Variants in ZNF503 observed in about 807,000 individuals in gnomAD.
ZNF503 encodes NocA-like zinc finger 2.
Under a neutral mutation model 34.4 loss-of-function variants are expected in ZNF503, and 15 were observed. The ratio of observed to expected loss-of-function variants is 0.44; its 90% CI spans 0.29 to 0.67. The LOEUF (loss-of-function observed/expected upper bound fraction) is 0.67. ZNF503 is among the 30% of genes least tolerant of loss of function. The pLI is 0.13. For missense variants in ZNF503, 1,007 were observed against 926.8 expected (o/e 1.09, Z -1.12); for synonymous variants, 580 against 456.8 (o/e 1.27, Z -3.44).
Position 75,397,941 on chromosome 10 carries a change from G to A in ZNF503, c.*808C>T. On this transcript the variant is annotated 3_prime_UTR_variant, in exon 2 of 2. Transcript: ENST00000372524. The stretch of plus-strand genomic sequence containing the variant: ...AACCTTGTCCCCTTCTCAGCGGGTG[G>A]ACTTAAAAATTAAAAATAGTTAAGT... The A allele has an allele frequency of 6.6e-6, 1 of 152,598 alleles. No individual in the cohort carries two copies. 9.5% of individuals were successfully genotyped at this position (152,598 alleles called of 1,614,324 possible).
the ZNF503 span, chr10:75,283,804 G>A: frequency 2.6e-5 from 4 of 152,236 alleles, no homozygotes; most frequent in African/African-American, 9.6e-5. Flanking sequence ...GCTCACTGAC[G>A]ACTCAGGGCA....
the ZNF503 span, among the ~76,000 whole-genome samples, chr10:75,321,911 G>A: frequency 2.0e-5 from 3 of 152,180 alleles, no homozygotes; most frequent in Non-Finnish European, 4.4e-5. Flanking sequence ...GGAGGCTACA[G>A]AAATTTGTAT....
At chr10:75,388,554 C>T in the ZNF503 span, among the ~76,000 whole-genome samples, 457 of 152,314 alleles carry the variant, frequency 3.0e-3, 3 homozygotes, top group Non-Finnish European at 5.0e-3. Flanking sequence ...ATAATAGACC[C>T]TGGAGCCTCA....
chr10:75,292,444 T>C, the ZNF503 span, among the ~76,000 whole-genome samples: 1 of 152,336 alleles, frequency 6.6e-6, no homozygotes, highest in East Asian at 1.9e-4. Context: ...ATGGGATTTG[T>C]CGTCATTTGC....
rs1044034528 is a variant in ZNF503, at chr10:75,398,354, C to T, written c.*395G>A. ...TCAAGTTTTAAAATTTTTCCCACCT[C>T]CTTTTTACCTACAGAGCTCAAACTA... On this transcript the variant is annotated 3_prime_UTR_variant, in exon 2 of 2. Transcript: ENST00000372524. The T allele has an allele frequency of 6.0e-6, 1 of 166,674 alleles. No individual in the cohort carries two copies. Among genetic ancestry groups the T allele is most frequent in the African/African-American group, 2.4e-5 (1 of 42,116 alleles). The allele number at this position is 166,674 out of a possible 1,614,324, so 10.3% of individuals were successfully genotyped here.
At chr10:75,328,323 T>G in the ZNF503 span, among the ~76,000 whole-genome samples, 1 of 152,240 alleles carries the variant, frequency 6.6e-6, no homozygotes, top group Non-Finnish European at 1.5e-5. Context: ...ATATCTAGTT[T>G]TCCTAACACC....
the ZNF503 span, chr10:75,298,831 C>T: frequency 2.0e-5 from 3 of 151,770 alleles, no homozygotes; most frequent in Non-Finnish European, 4.4e-5. Context: ...ACCTTGTTGC[C>T]CAGGCTGGTC....
At chr10:75,280,022 C>T in the ZNF503 span, 1 of 152,078 alleles carries the variant, frequency 6.6e-6, no homozygotes, top group Non-Finnish European at 1.5e-5. Flanking sequence ...TACATTTAGT[C>T]TATTGCAGAA....
the ZNF503 span, among the ~76,000 whole-genome samples, chr10:75,330,256 C>A: frequency 6.6e-6 from 1 of 152,256 alleles, no homozygotes; most frequent in South Asian, 2.1e-4. Flanking sequence ...ATTTGGCTTG[C>A]TAATGTTTTA....
chr10:75,399,574 G>A lies in ZNF503; in HGVS notation c.1116C>T (p.Pro372=). ...GTGCCACGCCGTGTGGCAGGAACTG[G>A]GGCGGGTAGCCGGCGTAGGCCCCGG... The part of the protein sequence containing the change: ...SLAGAYAGYP[P]QFLPHGVALD... Residue 372 remains proline, a synonymous_variant, in exon 2 of 2, where the codon CCC becomes CCT. Transcript: ENST00000372524. 2 of 1,596,542 alleles carry A rather than the reference G, an allele frequency of 1.3e-6. No homozygotes were observed. The highest frequency in any genetic ancestry group is 1.7e-6 in the Non-Finnish European group (2 of 1,179,150).
the ZNF503 span, among the ~76,000 whole-genome samples, chr10:75,375,388 T>C: frequency 6.6e-6 from 1 of 152,228 alleles, no homozygotes; most frequent in African/African-American, 2.4e-5. Context: ...CCCAAAGTGC[T>C]GGGATTTACA....
At chr10:75,282,278 A>AG in the ZNF503 span, among the ~76,000 whole-genome samples, 36,247 of 152,076 alleles carry the variant, frequency 0.24, 5,764 homozygotes, top group Non-Finnish European at 0.35. Context: ...TCTGCTGGGG[A>AG]GGGTTCCTCT....
chr10:75,319,868 C>A, the ZNF503 span, among the ~76,000 whole-genome samples: 1 of 152,120 alleles, frequency 6.6e-6, no homozygotes, highest in Non-Finnish European at 1.5e-5. Flanking sequence ...TGGAGGAAAA[C>A]AATGACCATA....
chr10:75,325,157 G>C, the ZNF503 span, among the ~76,000 whole-genome samples: 2 of 152,068 alleles, frequency 1.3e-5, no homozygotes, highest in Non-Finnish European at 2.9e-5. Flanking sequence ...GGTATGGGTT[G>C]AGGTTCATTA....
rs1843747208 is a variant in ZNF503 at position 75,399,278 on chromosome 10, G to T, written c.1412C>A (p.Pro471His). 6.2e-7 allele frequency: 1 copy of T among 1,601,024 alleles called. No individual in the cohort carries two copies. Among genetic ancestry groups the T allele is most frequent in the South Asian group, 1.1e-5 (1 of 90,072 alleles). The change falls in exon 2 of 2, where the codon CCC (proline) becomes CAC (histidine). Residue 471 changes from proline (P) to histidine (H), a missense_variant. Coordinates refer to ENST00000372524, the MANE Select transcript of ZNF503 (RefSeq NM_032772.6). ...ALKSGYPLVY[P>H]THPLHGVHSS... Reference sequence around the variant, plus strand: ...GTGCACACCGTGCAGCGGGTGCGTGGGGTACACCAGCGGGTATCCGGACTT... The same window carrying T: ...GTGCACACCGTGCAGCGGGTGCGTGTGGTACACCAGCGGGTATCCGGACTT...
the ZNF503 span, among the ~76,000 whole-genome samples, chr10:75,390,371 C>T: frequency 4.0e-5 from 6 of 151,102 alleles, no homozygotes; most frequent in African/African-American, 1.5e-4. Flanking sequence ...TGTTCTTCCT[C>T]CCTCCTCTTC....
At chr10:75,330,159 T>C in the ZNF503 span, among the ~76,000 whole-genome samples, 1 of 152,266 alleles carries the variant, frequency 6.6e-6, no homozygotes, top group African/African-American at 2.4e-5. Context: ...ACCACATTTA[T>C]TGACCTGCTG....
chr10:75,365,157 T>G, the ZNF503 span, among the ~76,000 whole-genome samples: 1 of 152,210 alleles, frequency 6.6e-6, no homozygotes, highest in African/African-American at 2.4e-5. Flanking sequence ...GTTTTTCCTT[T>G]TTTTTCTTTG....
intron 1 of ZNF503, chr10:75,400,894 T>C: frequency 1.4e-6 from 1 of 711,064 alleles, no homozygotes. Flanking sequence ...AAACAAGTAT[T>C]GGCAGCCTTG....
Sources: gnomAD v4.1 joint callset for allele counts (sites outside exome capture counted in the v4.1 genomes callset) on GRCh38, gnomAD v4.1.1 for gene constraint, MANE v1.5 for transcripts, NCBI Gene and HGNC (gene_info 2026-07-23, HGNC 2026-07-21) for gene names.